OR52N4: variants seen among roughly 807,000 people sequenced by gnomAD.
OR52N4 encodes the protein olfactory receptor family 52 subfamily N member 4.
OR52N4 carries 15 observed loss-of-function variants against 15.0 expected under a neutral mutation model. The ratio of observed to expected loss-of-function variants is 1.00; its 90% CI spans 0.67 to 1.54. OR52N4 has a LOEUF of 1.54. Among genes scored for constraint, OR52N4 ranks in the 40% most tolerant of loss-of-function variants. OR52N4 has a pLI of 0.00. For synonymous variants in OR52N4, 143 were observed against 143.7 expected, an observed-to-expected ratio of 1.00 and a Z score of 0.03; for missense variants, 421 against 394.0, an observed-to-expected ratio of 1.07 and a Z score of -0.58.
Position 5,755,746 on chromosome 11 carries a change from A to C in OR52N4, c.*40A>C. ...GGAGTGAGAAGAGAAGGAAAGAATT[A>C]CTTCTATTTGCCTCTTATGCAGGAG... On this transcript the variant is annotated 3_prime_UTR_variant, in exon 2 of 2. Transcript: ENST00000641350. 1 of 1,580,426 alleles carries C rather than the reference A, an allele frequency of 6.3e-7. No individual in the cohort carries two copies. Among genetic ancestry groups the C allele is most frequent in the Non-Finnish European group, 8.6e-7 (1 of 1,164,136 alleles).
chr11:5,728,590 C>A, the OR52N4 span, among the ~76,000 whole-genome samples: 2 of 152,164 alleles, frequency 1.3e-5, no homozygotes, highest in Non-Finnish European at 2.9e-5. Flanking sequence ...TGCCATCCTA[C>A]CCTGTTAGGT....
chr11:5,755,115 T>C lies in OR52N4; in HGVS notation c.375T>C (p.Tyr125=). ...TTATGCTTATGGCCCTGGATCGCTA[T>C]GTGGCCATCTGCTACCCCTTACGCT... ...GVLMLMALDR[Y]VAICYPLRYS... is the part of the protein sequence containing the mutation. The change falls in exon 2 of 2, where the codon TAT becomes TAC. Residue 125 remains tyrosine, a synonymous_variant. Coordinates refer to ENST00000641350, the MANE Select transcript of OR52N4 (RefSeq NM_001005175.5). 6.2e-7 allele frequency: 1 copy of C among 1,614,076 alleles called. No homozygotes were observed. The highest frequency in any genetic ancestry group is 8.5e-7 in the Non-Finnish European group (1 of 1,179,976).
At chr11:5,730,526 G>A in the OR52N4 span, among the ~76,000 whole-genome samples, 1 of 151,918 alleles carries the variant, frequency 6.6e-6, no homozygotes, top group Admixed American at 6.6e-5. Flanking sequence ...ACCTTAAATT[G>A]TGTTATATTA....
At chr11:5,738,722 A>T in the OR52N4 span, among the ~76,000 whole-genome samples, 1 of 151,520 alleles carries the variant, frequency 6.6e-6, no homozygotes, top group Non-Finnish European at 1.5e-5. Flanking sequence ...CGATATAGAA[A>T]TTTTTCCCTG....
the OR52N4 span, among the ~76,000 whole-genome samples, chr11:5,746,016 C>A: frequency 6.6e-6 from 1 of 152,116 alleles, no homozygotes; most frequent in African/African-American, 2.4e-5. Flanking sequence ...TTATGACCAA[C>A]TGATCTTCGA....
chr11:5,730,412 C>T, the OR52N4 span, among the ~76,000 whole-genome samples: 82 of 151,878 alleles, frequency 5.4e-4, no homozygotes, highest in Non-Finnish European at 8.8e-4. Context: ...AGGATGGTCT[C>T]GATCTTCTGA....
At chr11:5,732,843 C>T in the OR52N4 span, among the ~76,000 whole-genome samples, 1 of 152,156 alleles carries the variant, frequency 6.6e-6, no homozygotes, top group Non-Finnish European at 1.5e-5. Flanking sequence ...CAAAGGTAGG[C>T]ACCTCATATT....
chr11:5,737,403 A>G, the OR52N4 span: 1 of 1,613,808 alleles, frequency 6.2e-7, no homozygotes, highest in South Asian at 1.1e-5. Context: ...CCTTCCCTCA[A>G]CCCTACAGTT....
At chr11:5,752,764 CAACT>C (rs1250751649), upstream of OR52N4, among the ~76,000 whole-genome samples, 6 of 152,122 alleles carry the variant, frequency 3.9e-5, no homozygotes, top group African/African-American at 1.2e-4. Context: ...ATATGACCAG[CAACT>C]AACAGGACCC....
the OR52N4 span, among the ~76,000 whole-genome samples, chr11:5,742,598 C>T: frequency 6.6e-6 from 1 of 152,084 alleles, no homozygotes; most frequent in African/African-American, 2.4e-5. Context: ...GTACTACCAG[C>T]TAAAAAACTA....
At chr11:5,737,287 C>G in the OR52N4 span, 1 of 1,613,966 alleles carries the variant, frequency 6.2e-7, no homozygotes, top group Non-Finnish European at 8.5e-7. Context: ...TCACCCTCAT[C>G]CTTTTCTTTT....
At chr11:5,736,690 C>G in the OR52N4 span, 129 of 1,614,032 alleles carry the variant, frequency 8.0e-5, no homozygotes, top group African/African-American at 1.2e-3. Context: ...TCATCATCAT[C>G]TGGCAGAACC....
chr11:5,728,556 T>G, the OR52N4 span, among the ~76,000 whole-genome samples: 1 of 152,276 alleles, frequency 6.6e-6, no homozygotes, highest in East Asian at 1.9e-4. Context: ...ATAGTACACA[T>G]TTTTTGCTTG....
chr11:5,755,066 T>C lies in OR52N4; in HGVS notation c.326T>C (p.Phe109Ser). The C allele has an allele frequency of 6.2e-7, 1 of 1,613,984 alleles. No homozygotes were observed. The highest frequency in any genetic ancestry group is 8.5e-7 in the Non-Finnish European group (1 of 1,179,936). ...GTCCAGATGTTCTTCACCCACACCT[T>C]CACAGGGATGGAGTCTGGGGTGCTT... is the stretch of plus-strand genomic sequence containing the variant. ...CLVQMFFTHT[F>S]TGMESGVLML... Residue 109 changes from phenylalanine to serine, a missense_variant, in exon 2 of 2, where the codon TTC becomes TCC. Phe to Ser is a radical substitution (Grantham distance 155). Transcript: ENST00000641350.
At position 5,754,881 on chromosome 11, in the gene OR52N4, C is replaced by T; in HGVS notation, c.141C>T (p.Leu47=). 1.2e-6 allele frequency: 2 copies of T among 1,613,824 alleles called. No homozygotes were observed. The highest frequency in any genetic ancestry group is 2.2e-5 in the East Asian group (1 of 44,862). The change falls in exon 2 of 2, where the codon CTC becomes CTT. Residue 47 remains leucine (L), a synonymous_variant. Coordinates refer to ENST00000641350, the MANE Select transcript of OR52N4 (RefSeq NM_001005175.5). ...TGGCTATGGTAGGGAATTGTGGACT[C>T]CTCTACCTCATTCACTATGAGGATG... ...YVVAMVGNCG[L]LYLIHYEDAL...
At chr11:5,737,418 C>T in the OR52N4 span, 5 of 1,614,000 alleles carry the variant, frequency 3.1e-6, no homozygotes, top group East Asian at 8.9e-5. Context: ...ACAGTTTATG[C>T]ACTTCAGACC....
the OR52N4 span, among the ~76,000 whole-genome samples, chr11:5,732,373 T>A: frequency 3.3e-5 from 5 of 152,172 alleles, no homozygotes; most frequent in Non-Finnish European, 5.9e-5. Context: ...TTTAACTTAC[T>A]CTTTAGCCCA....
At chr11:5,736,027 C>T in the OR52N4 span, 1 of 156,524 alleles carries the variant, frequency 6.4e-6, no homozygotes, top group South Asian at 1.9e-4. Flanking sequence ...AAAAAACTTA[C>T]TAAGGTATGT....
rs771340504 is a variant in OR52N4 at position 5,755,643 on chromosome 11, G to T, written c.903G>T (p.Gln301His). 1.9e-6 allele frequency: 3 copies of T among 1,613,718 alleles called. No homozygotes were observed. In the Admixed American group the frequency reaches 5.0e-5, roughly 27 times the overall value. ...NPIVYGVKTK[Q>H]IRDCVIRILS... is the part of the protein sequence containing the mutation. ...TTGTCTATGGGGTGAAAACCAAACAGATACGAGACTGTGTCATAAGGATCC... is the reference window on the plus strand; with the variant it reads ...TTGTCTATGGGGTGAAAACCAAACATATACGAGACTGTGTCATAAGGATCC... Residue 301 changes from glutamine to histidine, a missense_variant, in exon 2 of 2, where the codon CAG (glutamine) becomes CAT (histidine). Gln to His is a conservative substitution (Grantham distance 24). Transcript: ENST00000641350.
Sources: allele counts gnomAD v4.1 joint callset (sites outside exome capture counted in the v4.1 genomes callset), GRCh38; gene constraint gnomAD v4.1.1; transcripts MANE v1.5; gene names NCBI Gene and HGNC (gene_info 2026-07-23, HGNC 2026-07-21).